Variants in EPHA6 observed in about 807,000 individuals in gnomAD.
EPHA6 encodes the protein EPH receptor A6, also known as ephrin type-A receptor 6.
A neutral mutation model predicts 112.0 loss-of-function variants in EPHA6; 50 were observed. The ratio of observed to expected loss-of-function variants is 0.45; its 90% confidence interval spans 0.36 to 0.56. EPHA6 has a LOEUF of 0.56. EPHA6 is among the 20% of genes least tolerant of loss of function. EPHA6 has a pLI of 0.00. For missense variants in EPHA6, 1,280 were observed against 1,417.4 expected (o/e 0.90, Z 1.56); for synonymous variants, 529 against 490.7 (o/e 1.08, Z -1.03).
chr3:97,130,683 A>G (rs2048313676), intron 3 of EPHA6, among the ~76,000 whole-genome samples: 2 of 152,138 alleles, frequency 1.3e-5, no homozygotes, highest in Admixed American at 1.3e-4. Flanking sequence ...TCTCCTGCCA[A>G]TATGCATATT....
intron 2 of EPHA6, among the ~76,000 whole-genome samples, chr3:96,908,922 G>C (rs1344569267): frequency 6.6e-6 from 1 of 151,950 alleles, no homozygotes; most frequent in East Asian, 1.9e-4. Context: ...CTATGAGCCA[G>C]AAATACAGTT....
At chr3:96,844,176 T>G (rs1008037196) in intron 1 of EPHA6, among the ~76,000 whole-genome samples, 2 of 152,050 alleles carry the variant, frequency 1.3e-5, no homozygotes, top group African/African-American at 4.8e-5. Flanking sequence ...TAAATGTTCA[T>G]TCTAATCTTT....
rs1167380128 is a variant in EPHA6, at chr3:97,544,333, G to A, written c.2386+11790G>A. Among the ~76,000 whole-genome samples the A allele has an allele frequency of 2.0e-5, 3 of 152,084 alleles. No homozygotes were observed. The East Asian group carries it at 5.8e-4, about 29-fold the overall frequency. On this transcript the variant is annotated intron_variant, in intron 11 of 17. Coordinates refer to ENST00000389672, the MANE Select transcript of EPHA6 (RefSeq NM_001080448.3). ...TTGAATTTTGTCAAAGGCCTTTTCT[G>A]CATCTATTGAGATAATCATGTGGTT...
chr3:97,632,893 A>G (rs1046716932), intron 13 of EPHA6, among the ~76,000 whole-genome samples: 3 of 152,094 alleles, frequency 2.0e-5, no homozygotes, highest in African/African-American at 7.2e-5. Flanking sequence ...GTGTTTTCAC[A>G]GAAAATTTTG....
At chr3:97,037,166 A>G (rs1445794061) in intron 3 of EPHA6, among the ~76,000 whole-genome samples, 1 of 152,100 alleles carries the variant, frequency 6.6e-6, no homozygotes, top group Non-Finnish European at 1.5e-5. Context: ...GCTATTTGCT[A>G]AGAAGAAAAT....
rs1425700452 is a variant in EPHA6 at position 97,757,284 on chromosome 3, C to T, written c.*8583C>T. Among the ~76,000 whole-genome samples the T allele has an allele frequency of 1.3e-5, 2 of 151,646 alleles. No homozygotes were observed. The highest frequency in any genetic ancestry group is 3.0e-5 in the Non-Finnish European group (2 of 67,728). On this transcript the variant is annotated 3_prime_UTR_variant, in exon 18 of 18. Coordinates refer to ENST00000389672, the MANE Select transcript of EPHA6 (RefSeq NM_001080448.3). ...AAGTGCATTTCAAGGATGGGAATCT[C>T]TAATATAAATGAGTACACTAATAGT... is the stretch of plus-strand genomic sequence containing the variant.
intron 3 of EPHA6, among the ~76,000 whole-genome samples, chr3:97,164,880 T>G (rs1292965410): frequency 2.0e-5 from 3 of 152,138 alleles, no homozygotes; most frequent in Non-Finnish European, 4.4e-5. Flanking sequence ...GAACTTTTAT[T>G]TAATGGACTC....
At chr3:97,574,828 G>A (rs956158831) in intron 11 of EPHA6, among the ~76,000 whole-genome samples, 1 of 151,962 alleles carries the variant, frequency 6.6e-6, no homozygotes, top group African/African-American at 2.4e-5. Context: ...AAAATTAAAC[G>A]AAGTTTTGGA....
At chr3:97,102,975 G>A (rs1264075009) in intron 3 of EPHA6, among the ~76,000 whole-genome samples, 1 of 151,840 alleles carries the variant, frequency 6.6e-6, no homozygotes, top group Admixed American at 6.6e-5. Flanking sequence ...ATTTTTAATA[G>A]GATCTTTTTG....
intron 1 of EPHA6, among the ~76,000 whole-genome samples, chr3:96,849,458 G>A (rs920279410): frequency 2.6e-5 from 4 of 151,972 alleles, no homozygotes; most frequent in Admixed American, 6.6e-5. Context: ...TCCATATAAC[G>A]TCATGTTAAC....
intron 1 of EPHA6, among the ~76,000 whole-genome samples, chr3:96,853,092 G>A (rs2035491346): frequency 6.6e-6 from 1 of 152,024 alleles, no homozygotes; most frequent in African/African-American, 2.4e-5. Flanking sequence ...GCCTATAGAG[G>A]CTTCCATACC....
chr3:96,976,721 T>G (rs2042539545), intron 2 of EPHA6, among the ~76,000 whole-genome samples: 1 of 152,172 alleles, frequency 6.6e-6, no homozygotes, highest in Non-Finnish European at 1.5e-5. Flanking sequence ...ACATTACCCT[T>G]CATGAAGATA....
chr3:97,126,104 T>C (rs112797076), intron 3 of EPHA6, among the ~76,000 whole-genome samples: 89 of 152,374 alleles, frequency 5.8e-4, no homozygotes, highest in African/African-American at 2.1e-3. Flanking sequence ...CCTACTACTT[T>C]AGAAGGCATT....
At chr3:97,587,744 AT>A (rs2093504303) in intron 11 of EPHA6, among the ~76,000 whole-genome samples, 2 of 152,116 alleles carry the variant, frequency 1.3e-5, no homozygotes, top group East Asian at 3.8e-4. Context: ...AGTTGAAGAA[AT>A]TGATTTTCCA....
At chr3:96,940,407 A>C (rs898046304) in intron 2 of EPHA6, among the ~76,000 whole-genome samples, 4 of 152,136 alleles carry the variant, frequency 2.6e-5, no homozygotes, top group African/African-American at 7.2e-5. Flanking sequence ...TTTATCAGAG[A>C]CTAGGATTGC....
At chr3:97,000,010 T>C (rs2043581557) in intron 3 of EPHA6, among the ~76,000 whole-genome samples, 1 of 151,842 alleles carries the variant, frequency 6.6e-6, no homozygotes, top group Non-Finnish European at 1.5e-5. Context: ...AACCCATCTG[T>C]TCCTGGAAAT....
chr3:96,853,993 C>A (rs2035544030), intron 1 of EPHA6, among the ~76,000 whole-genome samples: 1 of 151,822 alleles, frequency 6.6e-6, no homozygotes, highest in Non-Finnish European at 1.5e-5. Context: ...CTCTTCAGAG[C>A]CAGAATACTT....
chr3:97,622,627 C>T (rs1275334743), intron 13 of EPHA6, among the ~76,000 whole-genome samples: 1 of 151,732 alleles, frequency 6.6e-6, no homozygotes, highest in Non-Finnish European at 1.5e-5. Flanking sequence ...CTGGATAATA[C>T]TTTAATTCTA....
chr3:97,492,169 CA>C (rs2091856563), intron 10 of EPHA6, among the ~76,000 whole-genome samples: 1 of 131,478 alleles, frequency 7.6e-6, no homozygotes, highest in African/African-American at 4.1e-5. Context: ...TTTTGCTTTG[CA>C]CCCCCTAATG....
Sources: allele counts gnomAD v4.1 joint callset (sites outside exome capture counted in the v4.1 genomes callset), GRCh38; gene constraint gnomAD v4.1.1; transcripts MANE v1.5; gene names NCBI Gene and HGNC (gene_info 2026-07-23, HGNC 2026-07-21).